LNX2: variants seen among roughly 807,000 people sequenced by gnomAD.
LNX2 encodes ligand of numb-protein X 2, also known as ligand of Numb protein X 2.
LNX2 carries 35 observed loss-of-function variants against 66.2 expected under a neutral mutation model. The ratio of observed to expected loss-of-function variants is 0.53; its 90% CI spans 0.40 to 0.70. The LOEUF is 0.70. LNX2 is among the 30% of genes least tolerant of loss of function. LNX2 has a pLI of 0.00. For synonymous variants in LNX2, 337 were observed against 315.6 expected, an observed-to-expected ratio of 1.07 and a Z score of -0.72; for missense variants, 791 against 850.8, an observed-to-expected ratio of 0.93 and a Z score of 0.87.
intron 1 of LNX2, among the ~76,000 whole-genome samples, chr13:27,618,839 G>A (rs963851411): frequency 6.6e-6 from 1 of 152,172 alleles, no homozygotes; most frequent in African/African-American, 2.4e-5. Context: ...TGCGTGCTAC[G>A]TGCCTACAAT....
chr13:27,547,906 G>T lies in LNX2; in HGVS notation c.*429C>A, dbSNP rs993232958. Reference sequence around the variant, plus strand: ...AAAATTTAAAGTATATTCATTCATGGTATTGGTTATGACAGTGGCAGTACA... The same window carrying T: ...AAAATTTAAAGTATATTCATTCATGTTATTGGTTATGACAGTGGCAGTACA... On this transcript the variant is annotated 3_prime_UTR_variant, in exon 10 of 10. Coordinates refer to ENST00000316334, the MANE Select transcript of LNX2 (RefSeq NM_153371.4). The T allele has an allele frequency of 6.3e-6, 1 of 159,896 alleles. No individual in the cohort carries two copies. Among genetic ancestry groups the T allele is most frequent in the African/African-American group, 2.4e-5 (1 of 41,586 alleles). 9.9% of individuals were successfully genotyped at this position (159,896 alleles called of 1,614,324 possible).
At chr13:27,558,750 T>A (rs984905402) in intron 6 of LNX2, among the ~76,000 whole-genome samples, 1 of 152,092 alleles carries the variant, frequency 6.6e-6, no homozygotes. Flanking sequence ...TGCTCAGAAA[T>A]GAGAATGAAG....
chr13:27,562,881 G>T, intron 4 of LNX2, 100 bp from the exon 5 acceptor site: 1 of 1,224,324 alleles, frequency 8.2e-7, no homozygotes, highest in Non-Finnish European at 1.1e-6. Context: ...AGTATTGTGA[G>T]AGTGCTAAGT....
chr13:27,567,593 G>C (rs371675624), intron 4 of LNX2, 47 bp downstream of exon 4: 11 of 1,527,856 alleles, frequency 7.2e-6, no homozygotes, highest in Non-Finnish European at 1.0e-5. Context: ...TAAGTGTTAA[G>C]AATGGAACAA....
At position 27,547,598 on chromosome 13, in the gene LNX2, T is replaced by TG. The variant is rs1954955876; in HGVS notation, c.*736dup. 6.6e-6 allele frequency: 1 copy of TG among 152,288 alleles called. No homozygotes were observed. The highest frequency in any genetic ancestry group is 2.4e-5 in the African/African-American group (1 of 41,458). The allele number at this position is 152,288 out of a possible 1,614,324, so 9.4% of individuals were successfully genotyped here. A position where few individuals can be genotyped will look rare whatever the true frequency, so the allele number is the denominator to read the frequency against. On this transcript the variant is annotated 3_prime_UTR_variant, in exon 10 of 10. Transcript: ENST00000316334. ...ACGGCCGGGTGCGGCAGCTCACACCTGTAATCCCAGCACTTTGGGAGGCTG... is the reference window on the plus strand; with the variant it reads ...ACGGCCGGGTGCGGCAGCTCACACCTGGTAATCCCAGCACTTTGGGAGGCTG...
intron 1 of LNX2, among the ~76,000 whole-genome samples, chr13:27,604,716 AAAAG>A (rs749377929): frequency 2.6e-5 from 4 of 152,032 alleles, no homozygotes; most frequent in East Asian, 1.9e-4. Flanking sequence ...CACAAATTAA[AAAAG>A]AAAGAAAGAA....
chr13:27,604,855 A>ATTTT (rs34254877), intron 1 of LNX2, among the ~76,000 whole-genome samples: 20 of 138,370 alleles, frequency 1.4e-4, no homozygotes, highest in South Asian at 4.6e-4. Flanking sequence ...TTTCTATTTA[A>ATTTT]TTTTTTTTTT....
At chr13:27,554,040 G>A (rs1406403936) in intron 7 of LNX2, among the ~76,000 whole-genome samples, 5 of 152,204 alleles carry the variant, frequency 3.3e-5, no homozygotes, top group Non-Finnish European at 1.5e-5. Context: ...AAATGGCAAT[G>A]AGGATTATAT....
chr13:27,549,963 G>C (rs569782197), intron 9 of LNX2, among the ~76,000 whole-genome samples: 21 of 152,342 alleles, frequency 1.4e-4, no homozygotes, highest in African/African-American at 3.8e-4. Context: ...CGTGATGAAT[G>C]AAATATGTCC....
intron 2 of LNX2, among the ~76,000 whole-genome samples, chr13:27,574,530 GAAAA>G (rs78188331): frequency 8.0e-6 from 1 of 125,644 alleles, no homozygotes; most frequent in Admixed American, 7.9e-5. Context: ...GAACAGGGAA[GAAAA>G]AAAAAAAAAG....
intron 4 of LNX2, 141 bp downstream of exon 4, chr13:27,567,499 T>C (rs772576189): frequency 4.1e-5 from 28 of 683,648 alleles, no homozygotes; most frequent in South Asian, 9.3e-5. Flanking sequence ...AAATTACACA[T>C]AAATTCTGAT....
At chr13:27,556,097 G>A (rs1593238931) in intron 7 of LNX2, 139 bp downstream of exon 7, 1 of 776,930 alleles carries the variant, frequency 1.3e-6, no homozygotes, top group East Asian at 2.7e-5. Context: ...ATGACTTTAT[G>A]CTTCCATATG....
chr13:27,562,782 C>T lies in LNX2; in HGVS notation c.856-1G>A. ...CATTGCTGATATTGTAGTTGTTGAC[C>T]TAGAAAAAAAGAATTGTGACCGAAG... On this transcript the variant is annotated splice_acceptor_variant, in intron 4 of 9. Coordinates refer to ENST00000316334, the MANE Select transcript of LNX2 (RefSeq NM_153371.4). LOFTEE classifies it high-confidence loss of function. 6.3e-7 allele frequency: 1 copy of T among 1,590,334 alleles called. No homozygotes were observed. Among genetic ancestry groups the T allele is most frequent in the Non-Finnish European group, 8.6e-7 (1 of 1,167,356 alleles).
chr13:27,567,068 G>C (rs574351721), intron 4 of LNX2, among the ~76,000 whole-genome samples: 1 of 152,044 alleles, frequency 6.6e-6, no homozygotes, highest in Non-Finnish European at 1.5e-5. Context: ...GGGAGCGAAG[G>C]GGATTATTGA....
At position 27,553,238 on chromosome 13, in the gene LNX2, G is replaced by A. The variant is rs1252432094; in HGVS notation, c.1748C>T (p.Pro583Leu). ...AAGCCCAAGCCACATGACCCATGATGGGGACCAACTGGCATCATACTCATT... is the reference window on the plus strand; with the variant it reads ...AAGCCCAAGCCACATGACCCATGATAGGGACCAACTGGCATCATACTCATT... ...SENEYDASWS[P>L]SWVMWLGLPS... Residue 583 changes from proline (P) to leucine (L), a missense_variant, in exon 8 of 10, where the codon CCA (proline) becomes CTA (leucine). By Grantham distance (98) the Pro-to-Leu change is moderately conservative (BLOSUM62 -3). Transcript: ENST00000316334. 6.2e-7 allele frequency: 1 copy of A among 1,614,094 alleles called. No individual in the cohort carries two copies. The highest frequency in any genetic ancestry group is 8.5e-7 in the Non-Finnish European group (1 of 1,180,016).
intron 1 of LNX2, among the ~76,000 whole-genome samples, chr13:27,585,084 G>A (rs1052232833): frequency 3.3e-5 from 5 of 149,752 alleles, no homozygotes; most frequent in Admixed American, 6.7e-5. Context: ...TCATGCCACC[G>A]CACTCCAGCC....
chr13:27,570,899 T>G (rs1955271327), intron 2 of LNX2, among the ~76,000 whole-genome samples: 1 of 152,130 alleles, frequency 6.6e-6, no homozygotes, highest in Admixed American at 6.5e-5. Flanking sequence ...ACTCTACACC[T>G]TCACAAACGA....
intron 1 of LNX2, among the ~76,000 whole-genome samples, chr13:27,618,187 G>C (rs1481382378): frequency 6.6e-6 from 1 of 152,122 alleles, no homozygotes. Flanking sequence ...AGCCTACCCA[G>C]TCACTTACCT....
At chr13:27,588,526 T>C (rs749638758) in intron 1 of LNX2, among the ~76,000 whole-genome samples, 33 of 152,134 alleles carry the variant, frequency 2.2e-4, no homozygotes, top group Non-Finnish European at 4.0e-4. Context: ...TAGGGGCAAA[T>C]AATAGGGCAA....
Sources: gnomAD v4.1 joint callset for allele counts (sites outside exome capture counted in the v4.1 genomes callset) on GRCh38, gnomAD v4.1.1 for gene constraint, MANE v1.5 for transcripts, NCBI Gene and HGNC (gene_info 2026-07-23, HGNC 2026-07-21) for gene names.